Variants in PDGFD observed in about 807,000 individuals in gnomAD.
The protein encoded by PDGFD is platelet-derived growth factor D.
In PDGFD, 30 loss-of-function variants were observed where a neutral mutation model predicts 44.7. The observed-to-expected ratio is 0.67, with a 90% CI of 0.50 to 0.91. The LOEUF (loss-of-function observed/expected upper bound fraction) is 0.91, where lower values mean the gene tolerates loss of function less well. Ranked by LOEUF, PDGFD falls within the 40% of genes least tolerant of loss-of-function variation. The pLI is 0.00. For missense variants in PDGFD, 445 were observed against 457.8 expected (o/e 0.97, Z 0.25); for synonymous variants, 173 against 168.4 (o/e 1.03, Z -0.21).
At chr11:103,965,725 G>A (rs534100356) in intron 3 of PDGFD, among the ~76,000 whole-genome samples, 25 of 152,168 alleles carry the variant, frequency 1.6e-4, no homozygotes, top group Non-Finnish European at 2.6e-4. Context: ...TGATCTGAAT[G>A]TGCAATTCAT....
chr11:103,965,281 T>C (rs781698118), intron 3 of PDGFD, among the ~76,000 whole-genome samples: 1 of 152,138 alleles, frequency 6.6e-6, no homozygotes, highest in Admixed American at 6.5e-5. Flanking sequence ...TACCTAACCA[T>C]AGGATCTTTC....
chr11:103,910,898 G>A (rs1407295692), intron 6 of PDGFD, among the ~76,000 whole-genome samples: 1 of 152,052 alleles, frequency 6.6e-6, no homozygotes, highest in Non-Finnish European at 1.5e-5. Context: ...TGAGGGGAGG[G>A]GCGTCTGCCA....
intron 1 of PDGFD, among the ~76,000 whole-genome samples, chr11:104,104,148 A>G (rs1394286366): frequency 2.0e-5 from 3 of 152,182 alleles, no homozygotes; most frequent in African/African-American, 7.2e-5. Context: ...GAAATAAAGC[A>G]TATAGAATGC....
intron 1 of PDGFD, among the ~76,000 whole-genome samples, chr11:104,051,871 A>T (rs983791139): frequency 3.9e-5 from 6 of 152,224 alleles, no homozygotes; most frequent in Non-Finnish European, 7.3e-5. Context: ...TTAAATTTAT[A>T]TAACATAAAA....
chr11:104,131,695 C>A (rs1861921435), intron 1 of PDGFD, among the ~76,000 whole-genome samples: 1 of 150,798 alleles, frequency 6.6e-6, no homozygotes, highest in Admixed American at 6.6e-5. Flanking sequence ...AGCAATTGTA[C>A]CTTGAAGATT....
At chr11:103,913,772 A>G (rs1179333624) in intron 6 of PDGFD, among the ~76,000 whole-genome samples, 2 of 152,190 alleles carry the variant, frequency 1.3e-5, no homozygotes, top group African/African-American at 4.8e-5. Flanking sequence ...AAAGAAGAAA[A>G]GAGAGAAGAA....
intron 1 of PDGFD, among the ~76,000 whole-genome samples, chr11:104,082,046 G>T (rs1210045868): frequency 2.0e-5 from 3 of 150,040 alleles, no homozygotes; most frequent in Admixed American, 1.3e-4. Flanking sequence ...TCTTTATAGA[G>T]GTGCCAGTTA....
intron 3 of PDGFD, among the ~76,000 whole-genome samples, chr11:103,959,327 G>A (rs912362863): frequency 2.0e-5 from 3 of 152,272 alleles, no homozygotes; most frequent in African/African-American, 7.2e-5. Flanking sequence ...ATACAGCTAT[G>A]TAAATGAAAA....
intron 1 of PDGFD, among the ~76,000 whole-genome samples, chr11:104,103,777 G>A (rs531772542): frequency 2.0e-5 from 3 of 152,120 alleles, no homozygotes; most frequent in Admixed American, 2.0e-4. Flanking sequence ...AAAAAGTATA[G>A]CACATACAAT....
At chr11:104,009,636 C>T (rs1164059569) in intron 1 of PDGFD, among the ~76,000 whole-genome samples, 2 of 151,820 alleles carry the variant, frequency 1.3e-5, no homozygotes, top group African/African-American at 2.4e-5. Flanking sequence ...GGCAGGAAGT[C>T]CTAACTTAAA....
chr11:104,145,623 T>C (rs982604110), intron 1 of PDGFD, among the ~76,000 whole-genome samples: 1 of 152,234 alleles, frequency 6.6e-6, no homozygotes, highest in African/African-American at 2.4e-5. Flanking sequence ...GCAATTTATA[T>C]AGGGAGCTCT....
At chr11:103,997,202 A>G (rs1344346287) in intron 2 of PDGFD, among the ~76,000 whole-genome samples, 2 of 152,286 alleles carry the variant, frequency 1.3e-5, no homozygotes, top group South Asian at 4.1e-4. Context: ...ACTTTTCCAC[A>G]GTGACTTCAG....
intron 1 of PDGFD, among the ~76,000 whole-genome samples, chr11:104,027,419 T>C (rs574477500): frequency 6.6e-6 from 1 of 152,378 alleles, no homozygotes; most frequent in South Asian, 2.1e-4. Flanking sequence ...AAAAATGACA[T>C]ACTTTGGTAG....
intron 1 of PDGFD, among the ~76,000 whole-genome samples, chr11:104,131,856 C>T (rs563276933): frequency 6.9e-6 from 1 of 145,960 alleles, no homozygotes; most frequent in Non-Finnish European, 1.5e-5. Context: ...ATCTACCTTT[C>T]GATAAGATAA....
chr11:104,044,409 A>G (rs1032321407), intron 1 of PDGFD, among the ~76,000 whole-genome samples: 1 of 152,188 alleles, frequency 6.6e-6, no homozygotes, highest in Admixed American at 6.5e-5. Flanking sequence ...ATAAATGGAC[A>G]AAGTATCACA....
chr11:104,025,045 T>G (rs2134385058), intron 1 of PDGFD, among the ~76,000 whole-genome samples: 1 of 152,312 alleles, frequency 6.6e-6, no homozygotes, highest in Admixed American at 6.5e-5. Flanking sequence ...GTAAAGAAAC[T>G]TTTGCACAGA....
At chr11:103,965,398 C>G (rs545152054) in intron 3 of PDGFD, among the ~76,000 whole-genome samples, 1 of 152,122 alleles carries the variant, frequency 6.6e-6, no homozygotes. Flanking sequence ...AATTGTTTAT[C>G]ATCATCAAAA....
At chr11:104,136,279 C>A (rs919708909) in intron 1 of PDGFD, among the ~76,000 whole-genome samples, 3 of 152,158 alleles carry the variant, frequency 2.0e-5, no homozygotes, top group Non-Finnish European at 4.4e-5. Flanking sequence ...TATAAACATT[C>A]TAAAGAAACA....
chr11:103,943,198 A>G (rs1858613570), intron 5 of PDGFD, among the ~76,000 whole-genome samples: 1 of 152,094 alleles, frequency 6.6e-6, no homozygotes, highest in South Asian at 2.1e-4. Flanking sequence ...TAAACTCTGA[A>G]ATGATCCAAA....
Sources: gnomAD v4.1 joint callset for allele counts (sites outside exome capture counted in the v4.1 genomes callset) on GRCh38, gnomAD v4.1.1 for gene constraint, MANE v1.5 for transcripts, NCBI Gene and HGNC (gene_info 2026-07-23, HGNC 2026-07-21) for gene names.